UBE4B: variants seen among roughly 807,000 people sequenced by gnomAD.
UBE4B encodes ubiquitin conjugation factor E4 B.
Under a neutral mutation model 148.1 loss-of-function variants are expected in UBE4B, and 27 were observed. That is an observed-to-expected ratio of 0.18 (90% confidence interval 0.13 to 0.25). The LOEUF (loss-of-function observed/expected upper bound fraction) is 0.25. Ranked by LOEUF, UBE4B falls within the 10% of genes least tolerant of loss-of-function variation. UBE4B has a pLI of 1.00. For missense variants in UBE4B, 1,170 were observed against 1,662.4 expected, an observed-to-expected ratio of 0.70 and a Z score of 5.15; for synonymous variants, 596 against 619.3, an observed-to-expected ratio of 0.96 and a Z score of 0.56.
At chr1:10,097,038 C>CAAAAA (rs1175237804) in intron 3 of UBE4B, among the ~76,000 whole-genome samples, 3 of 141,074 alleles carry the variant, frequency 2.1e-5, no homozygotes, top group Admixed American at 7.0e-5. Flanking sequence ...GACTCTGCAT[C>CAAAAA]AAAAAAAAAA....
chr1:10,064,121 G>GTT (rs1340556128), intron 1 of UBE4B, among the ~76,000 whole-genome samples: 1 of 152,116 alleles, frequency 6.6e-6, no homozygotes, highest in Non-Finnish European at 1.5e-5. Flanking sequence ...TCCCTAAACA[G>GTT]TGTGTGTGCT....
At chr1:10,112,972 C>G (rs532170357) in intron 7 of UBE4B, among the ~76,000 whole-genome samples, 1 of 152,330 alleles carries the variant, frequency 6.6e-6, no homozygotes, top group South Asian at 2.1e-4. Context: ...CATCTGCCGC[C>G]TTGCAAGTCA....
intron 11 of UBE4B, among the ~76,000 whole-genome samples, chr1:10,127,462 A>AAACATTCAGCTTG (rs1645520632): frequency 6.6e-6 from 1 of 152,204 alleles, no homozygotes; most frequent in Non-Finnish European, 1.5e-5. Context: ...AATGTTGTGA[A>AAACATTCAGCTTG]AATGCTGAAA....
chr1:10,062,377 ATCCTGGCTCACTGCAACCTTCACC>A (rs1244035981), intron 1 of UBE4B, among the ~76,000 whole-genome samples: 3 of 152,080 alleles, frequency 2.0e-5, no homozygotes, highest in African/African-American at 7.2e-5. Flanking sequence ...CCATGGCACG[ATCCTGGCTCACTGCAACCTTCACC>A]TCCTGGGTTT....
intron 15 of UBE4B, among the ~76,000 whole-genome samples, chr1:10,132,969 G>A (rs981815506): frequency 2.0e-5 from 3 of 152,132 alleles, no homozygotes; most frequent in Admixed American, 1.3e-4. Flanking sequence ...GGGCGCCATC[G>A]GGTTAGGTTT....
chr1:10,079,759 C>T (rs1644646423), intron 2 of UBE4B, among the ~76,000 whole-genome samples: 1 of 152,154 alleles, frequency 6.6e-6, no homozygotes, highest in Non-Finnish European at 1.5e-5. Context: ...GGGTCTGGAT[C>T]AGAAACAGAA....
Position 10,072,210 on chromosome 1 carries a change from A to G in UBE4B, c.207A>G (p.Ala69=). The G allele has an allele frequency of 6.2e-7, 1 of 1,612,366 alleles. No homozygotes were observed. Among genetic ancestry groups the G allele is most frequent in the South Asian group, 1.1e-5 (1 of 90,830 alleles). Residue 69 remains alanine, a synonymous_variant, in exon 2 of 28, where the codon GCA becomes GCG. Coordinates refer to ENST00000343090, the MANE Select transcript of UBE4B (RefSeq NM_001105562.3). Reference sequence around the variant, plus strand: ...CCCCAGCTACCTCCCCAATAGGTGCATCAGGTAAGCCCAAGCTTCATACCT... The same window carrying G: ...CCCCAGCTACCTCCCCAATAGGTGCGTCAGGTAAGCCCAAGCTTCATACCT... ...NMTPATSPIG[A]SGVAHRSQSS...
intron 15 of UBE4B, 59 bp downstream of exon 15, chr1:10,132,541 T>G: frequency 6.8e-7 from 1 of 1,471,978 alleles, no homozygotes; most frequent in Non-Finnish European, 9.5e-7. Flanking sequence ...TGACCCAGAT[T>G]TAGTCAGCAC....
intron 1 of UBE4B, among the ~76,000 whole-genome samples, chr1:10,053,113 A>G (rs1031914575): frequency 2.6e-5 from 4 of 152,112 alleles, no homozygotes; most frequent in African/African-American, 4.8e-5. Context: ...AACTGGGACC[A>G]CAGGTGTTTA....
At chr1:10,146,516 T>G (rs1220557188) in intron 18 of UBE4B, among the ~76,000 whole-genome samples, 1 of 152,142 alleles carries the variant, frequency 6.6e-6, no homozygotes, top group Non-Finnish European at 1.5e-5. Flanking sequence ...CATGCATGTG[T>G]GTGTAATTCT....
intron 24 of UBE4B, among the ~76,000 whole-genome samples, chr1:10,169,684 A>T (rs1441401495): frequency 6.6e-6 from 1 of 152,222 alleles, no homozygotes; most frequent in African/African-American, 2.4e-5. Flanking sequence ...TATTTTGTAC[A>T]CTTGTTGGGA....
At chr1:10,068,878 C>CGCTG (rs1042127886) in intron 1 of UBE4B, among the ~76,000 whole-genome samples, 1 of 152,224 alleles carries the variant, frequency 6.6e-6, no homozygotes, top group African/African-American at 2.4e-5. Context: ...CAGCCCAGAA[C>CGCTG]GCTGCCCCCT....
chr1:10,047,969 T>G (rs1196465615), intron 1 of UBE4B, among the ~76,000 whole-genome samples: 9 of 152,212 alleles, frequency 5.9e-5, no homozygotes, highest in Non-Finnish European at 1.3e-4. Context: ...CCTTCTGCCT[T>G]AGTCTCCTGA....
At chr1:10,105,142 A>G (rs1645084280) in intron 5 of UBE4B, among the ~76,000 whole-genome samples, 1 of 152,234 alleles carries the variant, frequency 6.6e-6, no homozygotes, top group Admixed American at 6.5e-5. Context: ...TAACCTCTAT[A>G]GTTGGGAGTA....
At chr1:10,104,050 G>A (rs989439265) in intron 5 of UBE4B, among the ~76,000 whole-genome samples, 79 of 152,254 alleles carry the variant, frequency 5.2e-4, no homozygotes, top group African/African-American at 1.8e-3. Context: ...TTGAGCCACC[G>A]AGCCTGGCCT....
chr1:10,081,565 C>T (rs1644681188), intron 2 of UBE4B, among the ~76,000 whole-genome samples: 2 of 151,930 alleles, frequency 1.3e-5, no homozygotes, highest in African/African-American at 4.8e-5. Context: ...GCTGGGACTC[C>T]TGGCACGTGC....
chr1:10,062,800 T>C (rs1163320143), intron 1 of UBE4B, among the ~76,000 whole-genome samples: 11 of 151,114 alleles, frequency 7.3e-5, no homozygotes, highest in Admixed American at 7.3e-4. Context: ...TTACTAAAAA[T>C]ACAAAATTAG....
rs1382452772 is a variant in UBE4B at position 10,072,131 on chromosome 1, C to A, written c.128C>A (p.Ala43Glu). 6.2e-7 allele frequency: 1 copy of A among 1,613,722 alleles called. No individual in the cohort carries two copies. The highest frequency in any genetic ancestry group is 1.7e-5 in the Admixed American group (1 of 59,946). The change falls in exon 2 of 28, where the codon GCG becomes GAG. Residue 43 changes from alanine (A) to glutamate (E), a missense_variant. Transcript: ENST00000343090. ...QRENPPGPPIAASAPGPSQSL... is the reference protein window; with the variant it reads ...QRENPPGPPIEASAPGPSQSL... ...GAGAACCCTCCGGGGCCTCCCATAG[C>A]GGCATCAGCCCCAGGACCCTCTCAG...
At chr1:10,118,912 C>T (rs1645362813) in intron 8 of UBE4B, among the ~76,000 whole-genome samples, 1 of 90,572 alleles carries the variant, frequency 1.1e-5, no homozygotes, top group Non-Finnish European at 1.9e-5. Flanking sequence ...GAGATGGAGT[C>T]TCACTCTGTC....
Sources: allele counts gnomAD v4.1 joint callset (sites outside exome capture counted in the v4.1 genomes callset), GRCh38; gene constraint gnomAD v4.1.1; transcripts MANE v1.5; gene names NCBI Gene and HGNC (gene_info 2026-07-23, HGNC 2026-07-21).